PRDM16: variants seen among roughly 807,000 people sequenced by gnomAD.
PRDM16 encodes PR/SET domain 16, also known as histone-lysine N-methyltransferase PRDM16.
PRDM16 carries 23 observed loss-of-function variants against 110.6 expected under a neutral mutation model. The ratio of observed to expected loss-of-function variants is 0.21; its 90% CI spans 0.15 to 0.29. PRDM16 has a LOEUF of 0.29. PRDM16 is among the 10% of genes least tolerant of loss of function. The probability of loss-of-function intolerance (pLI) is 1.00; values close to 1 mark genes in which losing one functional copy is unlikely to be tolerated. For synonymous variants in PRDM16, 799 were observed against 781.8 expected, an observed-to-expected ratio of 1.02 and a Z score of -0.37; for missense variants, 1,615 against 1,794.3, an observed-to-expected ratio of 0.90 and a Z score of 1.81.
chr1:3,235,556 G>A (rs1055526148), intron 2 of PRDM16, among the ~76,000 whole-genome samples: 24 of 152,278 alleles, frequency 1.6e-4, no homozygotes, highest in Middle Eastern at 3.4e-3. Context: ...GCAGAGAAAG[G>A]GCTCTGGAGC....
chr1:3,410,460 C>T (rs1643666824), intron 8 of PRDM16, among the ~76,000 whole-genome samples: 1 of 152,174 alleles, frequency 6.6e-6, no homozygotes, highest in Non-Finnish European at 1.5e-5. Context: ...CTGCATAGGG[C>T]TCCTGCCCGG....
chr1:3,369,835 C>A (rs1202893647), intron 3 of PRDM16, among the ~76,000 whole-genome samples: 1 of 152,200 alleles, frequency 6.6e-6, no homozygotes, highest in Admixed American at 6.5e-5. Context: ...TTGCCAATGA[C>A]CATTTTTGTA....
At position 3,201,480 on chromosome 1, in the gene PRDM16, C is replaced by A. The variant is rs1225406167; in HGVS notation, c.387+15006C>A. ...TCCCACCGCAGGGCCCAGCCTCCTG[C>A]TCACTGGGATATTCCCTCATGAGAC... On this transcript the variant is annotated intron_variant, in intron 2 of 16. Transcript: ENST00000270722. This position sits in a 1 kb window ranked among gnomAD's most constrained non-coding sequence, Gnocchi z 4.1. Among the ~76,000 whole-genome samples, 2 of 152,186 alleles carry A rather than the reference C, an allele frequency of 1.3e-5. No homozygotes were observed. The highest frequency in any genetic ancestry group is 2.9e-5 in the Non-Finnish European group (2 of 68,024).
At chr1:3,194,115 G>A (rs930291520) in intron 2 of PRDM16, among the ~76,000 whole-genome samples, 7 of 152,234 alleles carry the variant, frequency 4.6e-5, no homozygotes, top group Non-Finnish European at 1.0e-4. Context: ...GCACCAGACC[G>A]CCGGGCAAGG....
At chr1:3,252,061 C>T (rs529365391) in intron 3 of PRDM16, among the ~76,000 whole-genome samples, 49 of 152,344 alleles carry the variant, frequency 3.2e-4, no homozygotes, top group African/African-American at 1.2e-3. Context: ...CGGGGTTCCC[C>T]TCCAGTGTAA....
At chr1:3,249,193 G>C (rs1045109472) in intron 3 of PRDM16, among the ~76,000 whole-genome samples, 1 of 151,904 alleles carries the variant, frequency 6.6e-6, no homozygotes, top group African/African-American at 2.4e-5. Flanking sequence ...TCCTCCTAAA[G>C]GAGGCTGGAG....
At chr1:3,360,892 T>C (rs1642700065) in intron 3 of PRDM16, among the ~76,000 whole-genome samples, 1 of 152,144 alleles carries the variant, frequency 6.6e-6, no homozygotes, top group Non-Finnish European at 1.5e-5. Flanking sequence ...GGAACATCCC[T>C]GGAAAGTCAC....
chr1:3,334,662 G>A (rs1197102014), intron 3 of PRDM16, among the ~76,000 whole-genome samples: 1 of 152,182 alleles, frequency 6.6e-6, no homozygotes. Flanking sequence ...TAGAGACCAC[G>A]GGGCTCTGCT....
intron 3 of PRDM16, among the ~76,000 whole-genome samples, chr1:3,368,373 C>T (rs1642852690): frequency 6.6e-6 from 1 of 152,204 alleles, no homozygotes; most frequent in Non-Finnish European, 1.5e-5. Context: ...GGTGGTGGAG[C>T]CCTGGCTCTG....
Position 3,350,881 on chromosome 1 carries a change from C to G in PRDM16, c.439-34271C>G, listed in dbSNP as rs1315804442. ...TTCTGGCTGGGGGATATACACCCCC[C>G]AGTCCTTGCAGAGCCCACTCTGAAG... On this transcript the variant is annotated intron_variant, in intron 3 of 16. Coordinates refer to ENST00000270722, the MANE Select transcript of PRDM16 (RefSeq NM_022114.4). The surrounding 1 kb of genome is among the most constrained non-coding windows in gnomAD (Gnocchi z 7.1). Among the ~76,000 whole-genome samples, 2 of 152,196 alleles carry G rather than the reference C, an allele frequency of 1.3e-5. No homozygotes were observed. The highest frequency in any genetic ancestry group is 2.4e-5 in the African/African-American group (1 of 41,436).
intron 1 of PRDM16, among the ~76,000 whole-genome samples, chr1:3,106,014 C>T (rs1045446647): frequency 2.0e-5 from 3 of 151,396 alleles, no homozygotes; most frequent in African/African-American, 7.3e-5. Flanking sequence ...TCCTCCAGCC[C>T]CAGCTTCCTG....
chr1:3,345,254 C>T (rs1642338850), intron 3 of PRDM16, among the ~76,000 whole-genome samples: 1 of 152,228 alleles, frequency 6.6e-6, no homozygotes, highest in South Asian at 2.1e-4. Flanking sequence ...TTGTTATTCT[C>T]TAGTGCTATC....
chr1:3,238,564 G>A (rs1639590041), intron 2 of PRDM16, among the ~76,000 whole-genome samples: 1 of 152,228 alleles, frequency 6.6e-6, no homozygotes, highest in Non-Finnish European at 1.5e-5. Context: ...GAGCGCAAGG[G>A]TTTGTGTCAA....
rs1207199297 is a variant in PRDM16, at chr1:3,370,947, C to G, written c.439-14205C>G. 1.3e-5 allele frequency among the ~76,000 whole-genome samples: 2 copies of G among 151,100 alleles called. No individual in the cohort carries two copies. The highest frequency in any genetic ancestry group is 4.9e-5 in the African/African-American group (2 of 40,986). Reference sequence around the variant, plus strand: ...CCACTGAATAATCCACCCATTCATCCATTCACCATCCATCGATTCATCCAT... The same window carrying G: ...CCACTGAATAATCCACCCATTCATCGATTCACCATCCATCGATTCATCCAT... On this transcript the variant is annotated intron_variant, in intron 3 of 16. Coordinates refer to ENST00000270722, the MANE Select transcript of PRDM16 (RefSeq NM_022114.4). The surrounding 1 kb of genome is among the most constrained non-coding windows in gnomAD (Gnocchi z 4.8).
At chr1:3,329,013 A>G (rs1641984906) in intron 3 of PRDM16, among the ~76,000 whole-genome samples, 1 of 149,872 alleles carries the variant, frequency 6.7e-6, no homozygotes, top group Admixed American at 6.7e-5. Flanking sequence ...GCCCAGCCAG[A>G]CCCTTTCCCC....
chr1:3,082,638 T>C (rs2742685), intron 1 of PRDM16, among the ~76,000 whole-genome samples: 137,044 of 152,272 alleles, frequency 0.9, 61,947 homozygotes, highest in East Asian at 1. Context: ...GAGCCGGGGT[T>C]GGGGGCCAAT....
chr1:3,190,581 C>T lies in PRDM16; in HGVS notation c.387+4107C>T, dbSNP rs1406982476. ...CACTCTGTGCATGGCTGTGTGTGTG[C>T]CCCAGGGGTGTGTGGAAACGGCCCC... On this transcript the variant is annotated intron_variant, in intron 2 of 16. Coordinates refer to ENST00000270722, the MANE Select transcript of PRDM16 (RefSeq NM_022114.4). The surrounding 1 kb of genome is among the most constrained non-coding windows in gnomAD (Gnocchi z 5.0). 1.3e-5 allele frequency among the ~76,000 whole-genome samples: 2 copies of T among 152,264 alleles called. No homozygotes were observed. Among genetic ancestry groups the T allele is most frequent in the Admixed American group, 6.5e-5 (1 of 15,300 alleles).
At chr1:3,397,879 C>T (rs1031195124) in intron 5 of PRDM16, among the ~76,000 whole-genome samples, 2 of 152,300 alleles carry the variant, frequency 1.3e-5, no homozygotes, top group Admixed American at 6.5e-5. Context: ...TTGCCATCAC[C>T]GAGCGTGGCC....
chr1:3,254,910 C>T (rs1383773025), intron 3 of PRDM16, among the ~76,000 whole-genome samples: 1 of 152,106 alleles, frequency 6.6e-6, no homozygotes, highest in Non-Finnish European at 1.5e-5. Context: ...CAAACTATAC[C>T]ACAAGGCTAC....
Sources: allele counts gnomAD v4.1 joint callset (sites outside exome capture counted in the v4.1 genomes callset), GRCh38; gene constraint gnomAD v4.1.1; non-coding constraint Gnocchi (gnomAD v3.1); transcripts MANE v1.5; gene names NCBI Gene and HGNC (gene_info 2026-07-23, HGNC 2026-07-21).